NKD1: variants seen among roughly 807,000 people sequenced by gnomAD.
The protein encoded by NKD1 is NKD inhibitor of Wnt signaling pathway 1.
In NKD1, 21 loss-of-function variants were observed where a neutral mutation model predicts 56.0. The observed-to-expected ratio is 0.38, with a 90% CI of 0.27 to 0.54. The LOEUF is 0.54. Among genes scored for constraint, NKD1 ranks in the 20% least tolerant of loss-of-function variants. NKD1 has a pLI of 0.82. For missense variants in NKD1, 578 were observed against 642.7 expected (o/e 0.90, Z 1.09); for synonymous variants, 263 against 265.7 (o/e 0.99, Z 0.10).
intron 3 of NKD1, chr16:50,574,121 A>T (rs1237590797): frequency 1.2e-6 from 1 of 847,760 alleles, no homozygotes; most frequent in African/African-American, 1.8e-5. Context: ...TCCTAGTCAC[A>T]TGGGTATTGG....
At position 50,577,420 on chromosome 16, in the gene NKD1, A is replaced by G. The variant is rs144339515; in HGVS notation, c.192+27865A>G. Among the ~76,000 whole-genome samples, 1,179 of 152,296 alleles carry G rather than the reference A, an allele frequency of 7.7e-3. 24 individuals are homozygous for G. Among genetic ancestry groups the G allele is most frequent in the African/African-American group, 0.027 (1,125 of 41,556 alleles). On this transcript the variant is annotated intron_variant, in intron 3 of 9. Coordinates refer to ENST00000268459, the MANE Select transcript of NKD1 (RefSeq NM_033119.5). ...TTGGGAATAAGCATACACTTATGAA[A>G]CCATCACTACCATCAAGGCCATAGA...
intron 3 of NKD1, among the ~76,000 whole-genome samples, chr16:50,586,969 C>G (rs986845467): frequency 9.2e-5 from 14 of 152,224 alleles, no homozygotes; most frequent in African/African-American, 3.4e-4. Flanking sequence ...CTGGCTTCTT[C>G]CATCCCATCT....
At chr16:50,568,063 G>C (rs1017732594) in intron 3 of NKD1, among the ~76,000 whole-genome samples, 2 of 152,256 alleles carry the variant, frequency 1.3e-5, no homozygotes, top group South Asian at 4.1e-4. Flanking sequence ...ACGTTCTGTG[G>C]GAGGAAAATA....
intron 3 of NKD1, among the ~76,000 whole-genome samples, chr16:50,585,438 T>C (rs1961206894): frequency 1.3e-5 from 2 of 152,220 alleles, no homozygotes; most frequent in South Asian, 2.1e-4. Context: ...GGCCTGAGTC[T>C]GAGAGGCTGC....
At chr16:50,591,988 G>A (rs146865409) in intron 3 of NKD1, among the ~76,000 whole-genome samples, 4 of 152,366 alleles carry the variant, frequency 2.6e-5, no homozygotes, top group South Asian at 2.1e-4. Context: ...AACCTGGGCT[G>A]TGTGTGGGAT....
At chr16:50,572,270 T>C (rs952603074) in intron 3 of NKD1, among the ~76,000 whole-genome samples, 10 of 152,136 alleles carry the variant, frequency 6.6e-5, no homozygotes, top group African/African-American at 2.4e-4. Flanking sequence ...TATTCACCTG[T>C]GGTGGCAGGG....
chr16:50,573,189 G>T (rs960443033), intron 3 of NKD1, among the ~76,000 whole-genome samples: 9 of 152,180 alleles, frequency 5.9e-5, no homozygotes, highest in Non-Finnish European at 1.2e-4. Context: ...TCCCCGCCAT[G>T]GGAAGGTCTT....
Position 50,648,742 on chromosome 16 carries a change from T to TAGCA in NKD1, c.*14962_*14965dup, listed in dbSNP as rs1480389207. 3.3e-5 allele frequency: 5 copies of TAGCA among 152,246 alleles called. No homozygotes were observed. The highest frequency in any genetic ancestry group is 1.2e-4 in the African/African-American group (5 of 41,466). The allele number at this position is 152,246 out of a possible 1,614,324, so 9.4% of individuals were successfully genotyped here. On this transcript the variant is annotated 3_prime_UTR_variant, in exon 10 of 10. Transcript: ENST00000268459. ...ACTCTAGTCAACAGTAAGTGTCATG[T>TAGCA]AGCAGCTCCTGGGAATCTCCTTTAA... is the stretch of plus-strand genomic sequence containing the variant.
At chr16:50,610,147 A>G (rs1292424678) in intron 4 of NKD1, among the ~76,000 whole-genome samples, 1 of 152,268 alleles carries the variant, frequency 6.6e-6, no homozygotes, top group African/African-American at 2.4e-5. Flanking sequence ...CCTGGGCAAC[A>G]TAGTGAGACC....
chr16:50,573,183 C>T (rs538657409), intron 3 of NKD1, among the ~76,000 whole-genome samples: 20 of 152,308 alleles, frequency 1.3e-4, no homozygotes, highest in African/African-American at 4.3e-4. Context: ...GTCTTTTCCC[C>T]GCCATGGGAA....
At chr16:50,579,905 C>G (rs1474247570) in intron 3 of NKD1, among the ~76,000 whole-genome samples, 1 of 152,194 alleles carries the variant, frequency 6.6e-6, no homozygotes, top group African/African-American at 2.4e-5. Context: ...CTCTAACTCG[C>G]CACACATGCA....
At chr16:50,593,964 C>G (rs1341057918) in intron 3 of NKD1, among the ~76,000 whole-genome samples, 1 of 152,156 alleles carries the variant, frequency 6.6e-6, no homozygotes, top group Non-Finnish European at 1.5e-5. Context: ...TTCAGATGCC[C>G]ACTGCAGGAG....
intron 2 of NKD1, 67 bp from the exon 3 acceptor site, chr16:50,549,355 C>G (rs1960321372): frequency 1.3e-6 from 2 of 1,568,678 alleles, no homozygotes; most frequent in East Asian, 2.3e-5. Context: ...CCTCCTTCTT[C>G]CCTCCGCGGG....
intron 2 of NKD1, 45 bp downstream of exon 2, chr16:50,548,794 C>G (rs140439659): frequency 7.4e-7 from 1 of 1,353,566 alleles, no homozygotes; most frequent in South Asian, 1.9e-5. Flanking sequence ...ACGCGGGGGA[C>G]ACCGCGGCCG....
chr16:50,625,414 C>A, intron 5 of NKD1, 71 bp from the exon 6 acceptor site: 2 of 1,098,302 alleles, frequency 1.8e-6, no homozygotes, highest in Non-Finnish European at 1.4e-6. Flanking sequence ...GGCCTCTAGG[C>A]CCAGGCTTCC....
chr16:50,560,823 C>CATACATCCATCTATCT (rs1555487401), intron 3 of NKD1, among the ~76,000 whole-genome samples: 2 of 148,546 alleles, frequency 1.3e-5, no homozygotes, highest in East Asian at 4.0e-4. Flanking sequence ...TACCCAAACC[C>CATACATCCATCTATCT]ATCTATCTAT....
At chr16:50,550,208 G>T (rs923439706) in intron 3 of NKD1, among the ~76,000 whole-genome samples, 1 of 152,086 alleles carries the variant, frequency 6.6e-6, no homozygotes, top group African/African-American at 2.4e-5. Flanking sequence ...GAATGAGTGA[G>T]TCCAGCCCCA....
rs138964473 is a variant in NKD1 at position 50,598,262 on chromosome 16, T to TGTGTGTGTGC, written c.193-10031_193-10030insTGTGTGTGCG. Among the ~76,000 whole-genome samples, 195 of 148,642 alleles carry TGTGTGTGTGC rather than the reference T, an allele frequency of 1.3e-3. No homozygotes were observed. Among genetic ancestry groups the TGTGTGTGTGC allele is most frequent in the African/African-American group, 4.7e-3 (185 of 39,136 alleles). On this transcript the variant is annotated intron_variant, in intron 3 of 9. Transcript: ENST00000268459. This position sits in a 1 kb window ranked among gnomAD's most constrained non-coding sequence, Gnocchi z 4.2. ...GTGTGTGTGTGTGTGTGTGTGTGTGTGCGCGCACACCTGTGCTCATGGACA... is the reference window on the plus strand; with the variant it reads ...GTGTGTGTGTGTGTGTGTGTGTGTGTGTGTGTGTGCGCGCGCACACCTGTGCTCATGGACA...
intron 3 of NKD1, chr16:50,574,174 G>T (rs2151267439): frequency 1.0e-6 from 1 of 975,466 alleles, no homozygotes; most frequent in Non-Finnish European, 1.2e-6. Context: ...GACTGCCTAT[G>T]TTCATTCTAC....
Sources: allele counts gnomAD v4.1 joint callset (sites outside exome capture counted in the v4.1 genomes callset), GRCh38; gene constraint gnomAD v4.1.1; non-coding constraint Gnocchi (gnomAD v3.1); transcripts MANE v1.5; gene names NCBI Gene and HGNC (gene_info 2026-07-23, HGNC 2026-07-21).